The following CYRIB variants were observed in gnomAD, a reference collection of about 807,000 sequenced individuals.
CYRIB encodes the protein CYFIP related Rac1 interactor B, also known as CYFIP-related Rac1 interactor B.
A neutral mutation model predicts 44.2 loss-of-function variants in CYRIB; 8 were observed. The ratio of observed to expected loss-of-function variants is 0.18; its 90% CI spans 0.11 to 0.33. CYRIB has a LOEUF of 0.33. Among genes scored for constraint, CYRIB ranks in the 10% least tolerant of loss-of-function variants. The probability of loss-of-function intolerance (pLI) is 1.00; values close to 1 mark genes in which losing one functional copy is unlikely to be tolerated. For synonymous variants in CYRIB, 131 were observed against 127.2 expected, an observed-to-expected ratio of 1.03 and a Z score of -0.20; for missense variants, 185 against 382.8, an observed-to-expected ratio of 0.48 and a Z score of 4.31.
intron 2 of CYRIB, among the ~76,000 whole-genome samples, chr8:129,884,996 T>C (rs2062185388): frequency 6.6e-6 from 1 of 152,238 alleles, no homozygotes; most frequent in Non-Finnish European, 1.5e-5. Context: ...CATTAGACCA[T>C]TTTCCCATAA....
At chr8:130,007,738 TG>T (rs2097135284) in intron 1 of CYRIB, among the ~76,000 whole-genome samples, 1 of 151,138 alleles carries the variant, frequency 6.6e-6, no homozygotes, top group African/African-American at 2.4e-5. Flanking sequence ...GAGCCGAGAT[TG>T]CACCATTGCA....
chr8:130,006,602 A>G (rs1233161364), intron 1 of CYRIB, among the ~76,000 whole-genome samples: 1 of 53,992 alleles, frequency 1.9e-5, no homozygotes, highest in Non-Finnish European at 3.2e-5. Flanking sequence ...AATTATATAT[A>G]TATACATATA....
intron 2 of CYRIB, among the ~76,000 whole-genome samples, chr8:129,892,470 G>A (rs1301300814): frequency 4.0e-5 from 6 of 151,870 alleles, no homozygotes; most frequent in Non-Finnish European, 8.8e-5. Context: ...TACCAAAATT[G>A]TCAGAATTTT....
chr8:129,866,541 TAGAG>T (rs1044546076), intron 4 of CYRIB, among the ~76,000 whole-genome samples: 6 of 151,924 alleles, frequency 3.9e-5, no homozygotes, highest in African/African-American at 1.4e-4. Context: ...TGACTGTATA[TAGAG>T]ATTGTTCAAC....
At chr8:129,991,865 C>T (rs1000064596) in intron 1 of CYRIB, among the ~76,000 whole-genome samples, 7 of 139,674 alleles carry the variant, frequency 5.0e-5, no homozygotes, top group Admixed American at 1.6e-4. Flanking sequence ...GCAGGAGAAT[C>T]GCTTGAACCT....
intron 5 of CYRIB, 59 bp from the exon 8 acceptor site, chr8:129,855,806 T>C: frequency 2.7e-6 from 4 of 1,463,622 alleles, no homozygotes; most frequent in Non-Finnish European, 3.7e-6. Context: ...TATTTGTTTA[T>C]TAAAAAGTGA....
intron 1 of CYRIB, among the ~76,000 whole-genome samples, chr8:129,996,902 T>C (rs1327322471): frequency 6.6e-6 from 1 of 152,136 alleles, no homozygotes; most frequent in African/African-American, 2.4e-5. Flanking sequence ...CACTTATTCA[T>C]TAAACAAATA....
intron 1 of CYRIB, among the ~76,000 whole-genome samples, chr8:129,992,866 G>C (rs2096671165): frequency 6.6e-6 from 1 of 152,222 alleles, no homozygotes; most frequent in Non-Finnish European, 1.5e-5. Context: ...GCTGGCGACA[G>C]CTGCTGTGAC....
chr8:129,871,252 G>A, intron 4 of CYRIB, 123 bp downstream of exon 6: 25 of 1,134,720 alleles, frequency 2.2e-5, no homozygotes, highest in East Asian at 8.7e-5. Context: ...AATGCCAAGT[G>A]AGCATCCTTC....
chr8:129,941,643 G>T (rs1483631677), upstream of CYRIB, among the ~76,000 whole-genome samples: 3 of 152,148 alleles, frequency 2.0e-5, no homozygotes, highest in African/African-American at 4.8e-5. Context: ...TGGTCCACTT[G>T]TCTGACATAC....
At chr8:129,887,429 A>G (rs1267943426) in intron 2 of CYRIB, among the ~76,000 whole-genome samples, 2 of 152,250 alleles carry the variant, frequency 1.3e-5, no homozygotes, top group Admixed American at 6.5e-5. Flanking sequence ...CTGCAGGGGC[A>G]GAGCCCTCAT....
chr8:129,881,238 G>C (rs1404100104), intron 2 of CYRIB, among the ~76,000 whole-genome samples: 1 of 152,134 alleles, frequency 6.6e-6, no homozygotes, highest in Admixed American at 6.5e-5. Context: ...CAGGAAACCA[G>C]GTTCAAACCT....
At position 129,888,030 on chromosome 8, in the gene CYRIB, G is replaced by A. The variant is rs184420157; in HGVS notation, c.-10-8559C>T. ...CTGATTATATTTTGCAATGTGAGAA[G>A]GTCATGAGATTTGGGAGGGGCCAGG... On this transcript the variant is annotated intron_variant, in intron 2 of 11. Coordinates refer to ENST00000519824, the Ensembl canonical transcript of CYRIB. Among the ~76,000 whole-genome samples the A allele has an allele frequency of 4.6e-3, 701 of 152,260 alleles. 8 individuals are homozygous for A. The highest frequency in any genetic ancestry group is 0.016 in the African/African-American group (677 of 41,540).
intron 5 of CYRIB, among the ~76,000 whole-genome samples, chr8:129,857,113 TC>T (rs1346469064): frequency 1.3e-5 from 2 of 152,234 alleles, no homozygotes; most frequent in Admixed American, 6.5e-5. Flanking sequence ...TCCTTTTTTT[TC>T]CAGTAAGTCT....
At chr8:130,011,592 C>T (rs993275374) in intron 1 of CYRIB, among the ~76,000 whole-genome samples, 4 of 151,650 alleles carry the variant, frequency 2.6e-5, no homozygotes, top group South Asian at 2.1e-4. Context: ...CCGAGGCGGG[C>T]GGATCACAAG....
At chr8:129,943,700 G>A (rs1197606054), upstream of CYRIB, among the ~76,000 whole-genome samples, 2 of 136,640 alleles carry the variant, frequency 1.5e-5, no homozygotes, top group African/African-American at 2.7e-5. Flanking sequence ...CCGGGTTCAC[G>A]CCATTCTCCT....
At chr8:129,967,093 C>T (rs1348030910) in intron 2 of CYRIB, among the ~76,000 whole-genome samples, 5 of 152,022 alleles carry the variant, frequency 3.3e-5, no homozygotes, top group Non-Finnish European at 4.4e-5. Flanking sequence ...GGCAACAGAG[C>T]GAGGCCCTAC....
intron 10 of CYRIB, among the ~76,000 whole-genome samples, chr8:129,848,669 GGGAT>G (rs2041648109): frequency 6.6e-6 from 1 of 152,066 alleles, no homozygotes; most frequent in African/African-American, 2.4e-5. Flanking sequence ...CTGGGCTCAA[GGGAT>G]CCTCCCACTT....
intron 2 of CYRIB, among the ~76,000 whole-genome samples, chr8:129,885,018 A>C (rs939654261): frequency 2.0e-5 from 3 of 152,262 alleles, no homozygotes; most frequent in Non-Finnish European, 4.4e-5. Flanking sequence ...ACATTTGAAA[A>C]GAAGTTTCCT....
Sources: allele counts gnomAD v4.1 joint callset (sites outside exome capture counted in the v4.1 genomes callset), GRCh38; gene constraint gnomAD v4.1.1; transcripts MANE v1.5; gene names NCBI Gene and HGNC (gene_info 2026-07-23, HGNC 2026-07-21).